AIG1: variants seen among roughly 807,000 people sequenced by gnomAD.
AIG1 encodes androgen induced 1.
Under a neutral mutation model 31.4 loss-of-function variants are expected in AIG1, and 23 were observed. That is an observed-to-expected ratio of 0.73 (90% confidence interval 0.53 to 1.04). AIG1 has a LOEUF of 1.04. Among genes scored for constraint, AIG1 ranks in the 50% least tolerant of loss-of-function variants. AIG1 has a pLI of 0.00. For missense variants in AIG1, 274 were observed against 295.0 expected, an observed-to-expected ratio of 0.93 and a Z score of 0.52; for synonymous variants, 100 against 110.5, an observed-to-expected ratio of 0.90 and a Z score of 0.60.
chr6:143,149,532 C>CAA (rs71767812), intron 2 of AIG1, among the ~76,000 whole-genome samples: 766 of 39,670 alleles, frequency 0.019, 45 homozygotes, highest in African/African-American at 0.059. Context: ...GACTCTGTCT[C>CAA]AAAAAAAAAA....
chr6:143,310,526 A>G (rs1393184992), intron 4 of AIG1, among the ~76,000 whole-genome samples: 3 of 151,796 alleles, frequency 2.0e-5, no homozygotes, highest in Non-Finnish European at 3.0e-5. Flanking sequence ...CATTAAATGC[A>G]TATATTAGAA....
intron 4 of AIG1, among the ~76,000 whole-genome samples, chr6:143,312,618 T>C (rs1775387628): frequency 1.3e-5 from 2 of 151,988 alleles, no homozygotes; most frequent in Admixed American, 1.3e-4. Context: ...ATAAGAAACA[T>C]TGGGGAAATT....
intron 3 of AIG1, among the ~76,000 whole-genome samples, chr6:143,266,869 A>C (rs1796194871): frequency 1.3e-5 from 2 of 152,190 alleles, no homozygotes; most frequent in Non-Finnish European, 2.9e-5. Context: ...TGAGACCAGG[A>C]TTTCAAGGCT....
At chr6:143,113,899 G>C (rs1280224377) in intron 1 of AIG1, among the ~76,000 whole-genome samples, 1 of 151,532 alleles carries the variant, frequency 6.6e-6, no homozygotes, top group African/African-American at 2.4e-5. Context: ...CTCAGCTTCC[G>C]GAGTAGCTGG....
intron 3 of AIG1, among the ~76,000 whole-genome samples, chr6:143,261,022 C>T (rs896833507): frequency 6.6e-6 from 1 of 152,148 alleles, no homozygotes; most frequent in Non-Finnish European, 1.5e-5. Flanking sequence ...TAAGGAGACT[C>T]CCAGAGTTTC....
intron 2 of AIG1, among the ~76,000 whole-genome samples, chr6:143,140,412 A>G (rs1784149920): frequency 6.6e-6 from 1 of 151,992 alleles, no homozygotes; most frequent in South Asian, 2.1e-4. Flanking sequence ...TTCCTTTCCA[A>G]GGTGCTCTGT....
At chr6:143,134,459 A>G (rs554966515) in intron 1 of AIG1, among the ~76,000 whole-genome samples, 8 of 129,836 alleles carry the variant, frequency 6.2e-5, no homozygotes, top group African/African-American at 2.1e-4. Context: ...ATTGGTTTAG[A>G]TTTCCATTGT....
rs1190108960 is a variant in AIG1, at chr6:143,258,425, C to T, written c.400-25685C>T. On this transcript the variant is annotated intron_variant, in intron 3 of 5. Coordinates refer to ENST00000357847, the MANE Select transcript of AIG1 (RefSeq NM_016108.4). This position sits in a 1 kb window ranked among gnomAD's most constrained non-coding sequence, Gnocchi z 4.7. ...TGTGATTCCAATGCAAAAATTTCTTCTTAGCCACTGCTAACACTAAAGAGA... is the reference window on the plus strand; with the variant it reads ...TGTGATTCCAATGCAAAAATTTCTTTTTAGCCACTGCTAACACTAAAGAGA... Among the ~76,000 whole-genome samples the T allele has an allele frequency of 6.6e-6, 1 of 152,248 alleles. No homozygotes were observed. Among genetic ancestry groups the T allele is most frequent in the Non-Finnish European group, 1.5e-5 (1 of 68,036 alleles).
At chr6:143,200,562 T>G (rs1790617374) in intron 3 of AIG1, among the ~76,000 whole-genome samples, 1 of 152,188 alleles carries the variant, frequency 6.6e-6, no homozygotes, top group Admixed American at 6.5e-5. Flanking sequence ...CAACCGACTC[T>G]GAATCAGAAT....
At chr6:143,103,511 T>TC in intron 1 of AIG1, among the ~76,000 whole-genome samples, 1 of 141,244 alleles carries the variant, frequency 7.1e-6, no homozygotes, top group South Asian at 2.4e-4. Flanking sequence ...CTTTTTTTTT[T>TC]TTTTTTTTTT....
At chr6:143,122,159 CA>C (rs1782293942) in intron 1 of AIG1, among the ~76,000 whole-genome samples, 1 of 152,086 alleles carries the variant, frequency 6.6e-6, no homozygotes, top group Non-Finnish European at 1.5e-5. Flanking sequence ...GAGAAGTTTC[CA>C]GATGAGTACT....
chr6:143,079,118 A>AAAACG (rs770544099), intron 1 of AIG1, among the ~76,000 whole-genome samples: 5 of 152,186 alleles, frequency 3.3e-5, no homozygotes, highest in Non-Finnish European at 7.4e-5. Context: ...AAAACAAAAC[A>AAAACG]AAACGTATTT....
At chr6:143,154,628 A>G (rs999916920) in intron 2 of AIG1, among the ~76,000 whole-genome samples, 1 of 152,178 alleles carries the variant, frequency 6.6e-6, no homozygotes, top group Admixed American at 6.5e-5. Flanking sequence ...TACCGCTCCC[A>G]CCTCCACCAA....
At chr6:143,091,475 GT>G (rs1779299198) in intron 1 of AIG1, among the ~76,000 whole-genome samples, 1 of 152,172 alleles carries the variant, frequency 6.6e-6, no homozygotes, top group South Asian at 2.1e-4. Context: ...TTTAATATAT[GT>G]TTTAAAATAA....
At position 143,061,024 on chromosome 6, in the gene AIG1, G is replaced by T; in HGVS notation, c.99G>T (p.Gln33His). ...NYKAIEMPSH[Q>H]TYGGSWKFLT... The stretch of plus-strand genomic sequence containing the variant: ...AGGCCATCGAAATGCCCTCACACCA[G>T]ACCTACGGAGGGAGCTGGAAATTCC... Residue 33 changes from glutamine (Q) to histidine (H), a missense_variant, in exon 1 of 6, where the codon CAG (glutamine) becomes CAT (histidine). This residue lies in a region of AIG1 where 243 missense variants were observed against 238.5 expected (regional missense o/e 1.02). Transcript: ENST00000357847. 1 of 1,613,478 alleles carries T rather than the reference G, an allele frequency of 6.2e-7. No homozygotes were observed. The highest frequency in any genetic ancestry group is 8.5e-7 in the Non-Finnish European group (1 of 1,179,766).
At chr6:143,060,856 C>A, upstream of AIG1, 1 of 1,116,444 alleles carries the variant, frequency 9.0e-7, no homozygotes, top group Non-Finnish European at 1.1e-6. Context: ...CGGCGCCCGC[C>A]CCCGCGCGCC....
At chr6:143,255,438 T>C (rs1795312397) in intron 3 of AIG1, among the ~76,000 whole-genome samples, 1 of 152,226 alleles carries the variant, frequency 6.6e-6, no homozygotes, top group Admixed American at 6.5e-5. Flanking sequence ...TCATGTGGCC[T>C]CTTCTTTGTG....
At chr6:143,342,114 G>A (rs1383539252), downstream of AIG1, 2 of 441,200 alleles carry the variant, frequency 4.5e-6, no homozygotes, top group African/African-American at 2.0e-5. Flanking sequence ...TCGTAGAGAC[G>A]GGTTTCTCCA....
rs922933597 is a variant in AIG1, at chr6:143,293,887, T to C, written c.515+9662T>C. On this transcript the variant is annotated intron_variant, in intron 4 of 5. Coordinates refer to ENST00000357847, the MANE Select transcript of AIG1 (RefSeq NM_016108.4). The surrounding 1 kb of genome is among the most constrained non-coding windows in gnomAD (Gnocchi z 4.8). ...TGCTCTTGATGCTACTTGGCAATTTTCCTGTGGATTTCTCCAGCCATCTCT... is the reference window on the plus strand; with the variant it reads ...TGCTCTTGATGCTACTTGGCAATTTCCCTGTGGATTTCTCCAGCCATCTCT... Among the ~76,000 whole-genome samples, 1 of 149,852 alleles carries C rather than the reference T, an allele frequency of 6.7e-6. No individual in the cohort carries two copies. Among genetic ancestry groups the C allele is most frequent in the Non-Finnish European group, 1.5e-5 (1 of 67,996 alleles).
Sources: allele counts gnomAD v4.1 joint callset (sites outside exome capture counted in the v4.1 genomes callset), GRCh38; gene constraint gnomAD v4.1.1; regional missense constraint gnomAD v4.1.1; non-coding constraint Gnocchi (gnomAD v3.1); transcripts MANE v1.5; gene names NCBI Gene and HGNC (gene_info 2026-07-23, HGNC 2026-07-21).